AVIL: variants seen among roughly 807,000 people sequenced by gnomAD.
AVIL encodes the protein advillin.
Under a neutral mutation model 109.9 loss-of-function variants are expected in AVIL, and 78 were observed. The ratio of observed to expected loss-of-function variants is 0.71; its 90% confidence interval spans 0.59 to 0.86. The LOEUF (loss-of-function observed/expected upper bound fraction) is 0.86. AVIL is among the 40% of genes least tolerant of loss of function. The pLI, the probability that AVIL is intolerant of heterozygous loss-of-function variation, is 0.00. For synonymous variants in AVIL, 367 were observed against 379.1 expected (o/e 0.97, Z 0.37); for missense variants, 892 against 1,016.5 (o/e 0.88, Z 1.67).
In AVIL at chr12:57,808,388, G is replaced by C; in HGVS notation, c.1093+7C>G. 6.2e-7 allele frequency: 1 copy of C among 1,614,196 alleles called. No individual in the cohort carries two copies. The highest frequency in any genetic ancestry group is 8.5e-7 in the Non-Finnish European group (1 of 1,180,012). ...GCAATGAGAGGATGATCTGGGGGCAGTCTCACCAATTTTACCAATGCTGAA... is the reference window on the plus strand; with the variant it reads ...GCAATGAGAGGATGATCTGGGGGCACTCTCACCAATTTTACCAATGCTGAA... On this transcript the variant is annotated splice_region_variant and intron_variant, in intron 10 of 19. Coordinates refer to ENST00000549994, the MANE Select transcript of AVIL (RefSeq NM_006576.4).
chr12:57,808,071 C>A, intron 11 of AVIL, 123 bp downstream of exon 11: 1 of 1,141,046 alleles, frequency 8.8e-7, no homozygotes, highest in Non-Finnish European at 1.3e-6. Flanking sequence ...AAAGAAGACT[C>A]CTGAGGTGCC....
In AVIL at chr12:57,802,301, A is replaced by G. The variant is rs1397868743; in HGVS notation, c.2010T>C (p.Ser670=). The change falls in exon 17 of 20, where the codon AGT becomes AGC. Residue 670 remains serine, a synonymous_variant. Coordinates refer to ENST00000549994, the MANE Select transcript of AVIL (RefSeq NM_006576.4). ...GAEANATEKE[S]ALATAQQYLH... is the part of the protein sequence containing the mutation. ...GGTACTGCTGTGCTGTGGCAAGGGC[A>G]CTCTCCTTCTCCGTGGCATTGGCCT... 1 of 1,613,484 alleles carries G rather than the reference A, an allele frequency of 6.2e-7. No homozygotes were observed. The highest frequency in any genetic ancestry group is 8.5e-7 in the Non-Finnish European group (1 of 1,179,838).
Position 57,800,241 on chromosome 12 carries a change from G to A in AVIL, c.2221-321C>T, listed in dbSNP as rs1955819555. ...TACCTTCTCTTGGTACTTTTATTTA[G>A]CCCTGCATTTCCAGCCTTTAAATGA... On this transcript the variant is annotated intron_variant, in intron 18 of 19. Transcript: ENST00000549994. 4 of 218,826 alleles carry A rather than the reference G, an allele frequency of 1.8e-5. No individual in the cohort carries two copies. The South Asian group carries it at 3.8e-4, about 21-fold the overall frequency. 13.6% of individuals were successfully genotyped at this position (218,826 alleles called of 1,614,324 possible). A position where few individuals can be genotyped will look rare whatever the true frequency, so the allele number is the denominator to read the frequency against.
At position 57,810,831 on chromosome 12, in the gene AVIL, A is replaced by G; in HGVS notation, c.543T>C (p.Ser181=). The G allele has an allele frequency of 6.2e-7, 1 of 1,614,154 alleles. No homozygotes were observed. The highest frequency in any genetic ancestry group is 1.7e-5 in the Admixed American group (1 of 60,024). Reference sequence around the variant, plus strand: ...GAAGCCATACCTTCAGGCGCTCCCCACTGTTGCTCTCTGGGCCATTCCATT... The same window carrying G: ...GAAGCCATACCTTCAGGCGCTCCCCGCTGTTGCTCTCTGGGCCATTCCATT... ...IIQWNGPESN[S]GERLKAMLLA... The change falls in exon 6 of 20, where the codon AGT becomes AGC. Residue 181 remains serine (S), a synonymous_variant. Transcript: ENST00000549994.
chr12:57,806,239 T>C, intron 14 of AVIL, 121 bp downstream of exon 14: 3 of 1,034,362 alleles, frequency 2.9e-6, no homozygotes, highest in African/African-American at 1.6e-5. Context: ...AGTTTTAGTA[T>C]ATGTGCTGCC....
Position 57,803,371 on chromosome 12 carries a change from T to C in AVIL, c.1838A>G (p.Asp613Gly), listed in dbSNP as rs771979546. 2 of 1,614,158 alleles carry C rather than the reference T, an allele frequency of 1.2e-6. No individual in the cohort carries two copies. Among genetic ancestry groups the C allele is most frequent in the Non-Finnish European group, 1.7e-6 (2 of 1,180,022 alleles). The part of the protein sequence containing the change: ...NDKRLQQEIL[D>G]VQSRLFECSN... The stretch of plus-strand genomic sequence containing the variant: ...ACATTCAAAGAGACGAGACTGGACA[T>C]CTAGGATTTCCTGCTGAAGTCTGCA... The change falls in exon 16 of 20, where the codon GAT becomes GGT. Residue 613 changes from aspartate (D) to glycine (G), a missense_variant. Asp to Gly is a moderately conservative substitution (Grantham distance 94, BLOSUM62 -1). Coordinates refer to ENST00000549994, the MANE Select transcript of AVIL (RefSeq NM_006576.4).
Position 57,807,743 on chromosome 12 carries a change from G to A in AVIL, c.1195-16C>T. On this transcript the variant is annotated splice_polypyrimidine_tract_variant and intron_variant, in intron 11 of 19. Coordinates refer to ENST00000549994, the MANE Select transcript of AVIL (RefSeq NM_006576.4). ...TTCTCCAGACCTGGGCATAGAAGGA[G>A]ACACCGTTTTCCAGAGATGGGGGTG... 2 of 1,613,844 alleles carry A rather than the reference G, an allele frequency of 1.2e-6. No homozygotes were observed. Among genetic ancestry groups the A allele is most frequent in the South Asian group, 2.2e-5 (2 of 91,088 alleles).
At chr12:57,805,536 G>A (rs1198721066) in intron 14 of AVIL, among the ~76,000 whole-genome samples, 1 of 142,436 alleles carries the variant, frequency 7.0e-6, no homozygotes, top group African/African-American at 2.6e-5. Context: ...CTTTCAGTGA[G>A]TTTTTTTTTT....
chr12:57,813,412 C>T lies in AVIL; in HGVS notation c.153G>A (p.Val51=). The part of the protein sequence containing the change: ...DCYVILSTRR[V]ASLLSQDIHF... ...GGATGTCCTGGGATAGGAGACTGGCCACTCTCCGGGTCTGGGAGGTAGTCA... is the reference window on the plus strand; with the variant it reads ...GGATGTCCTGGGATAGGAGACTGGCTACTCTCCGGGTCTGGGAGGTAGTCA... The change falls in exon 4 of 20, where the codon GTG becomes GTA. Residue 51 remains valine (V), a synonymous_variant. Transcript: ENST00000549994. 3.1e-6 allele frequency: 5 copies of T among 1,613,766 alleles called. No individual in the cohort carries two copies. The highest frequency in any genetic ancestry group is 4.2e-6 in the Non-Finnish European group (5 of 1,179,926).
intron 18 of AVIL, chr12:57,800,699 C>G (rs1955827347): frequency 6.5e-6 from 1 of 154,714 alleles, no homozygotes; most frequent in African/African-American, 2.4e-5. Context: ...CTTCCGCTTC[C>G]TGGGTTCAAG....
chr12:57,812,812 G>A (rs970285761), intron 4 of AVIL, among the ~76,000 whole-genome samples: 3 of 152,148 alleles, frequency 2.0e-5, no homozygotes, highest in African/African-American at 7.2e-5. Flanking sequence ...ATACTCCGTG[G>A]TGTGCATGTC....
At chr12:57,806,669 A>G (rs369830395) in intron 13 of AVIL, 130 bp from the exon 14 acceptor site, 3 of 1,013,672 alleles carry the variant, frequency 3.0e-6, no homozygotes, top group South Asian at 1.6e-5. Context: ...ACTCACTGGA[A>G]AGGGTCAGGG....
intron 1 of AVIL, chr12:57,816,315 C>T: frequency 2.5e-6 from 1 of 395,684 alleles, no homozygotes; most frequent in Non-Finnish European, 4.6e-6. Context: ...TGGTAATCGT[C>T]ATGGTTATTT....
At chr12:57,816,252 G>A (rs1475934595) in intron 1 of AVIL, 193 bp from the exon 2 acceptor site, 1 of 533,444 alleles carries the variant, frequency 1.9e-6, no homozygotes, top group African/African-American at 2.0e-5. Context: ...GGCTGGCCTG[G>A]GGATTACCAC....
intron 19 of AVIL, among the ~76,000 whole-genome samples, chr12:57,798,398 G>A (rs111935385): frequency 0.023 from 3,486 of 152,182 alleles, 66 homozygotes; most frequent in Non-Finnish European, 0.032. Context: ...ATGCATGATC[G>A]GGTGGATCTT....
chr12:57,810,351 A>C lies in AVIL; in HGVS notation c.759T>G (p.Tyr253Ter). ...DQKQKSTIML[Y>*]HISDSAGQLA... ...TAAAACCAGGTTGAGCTACTCACTG[A>C]TACAACATGATAGTTGATTTCTGCT... The change falls in exon 7 of 20, where the codon TAT becomes TAG. Residue 253 changes from tyrosine to a stop codon, truncating the protein, a stop_gained and splice_region_variant. Transcript: ENST00000549994. LOFTEE classifies it high-confidence loss of function. The C allele has an allele frequency of 6.2e-7, 1 of 1,614,192 alleles. No homozygotes were observed. Among genetic ancestry groups the C allele is most frequent in the Non-Finnish European group, 8.5e-7 (1 of 1,180,034 alleles).
chr12:57,818,050 GCT>G (rs917358470), intron 1 of AVIL, among the ~76,000 whole-genome samples: 1 of 151,932 alleles, frequency 6.6e-6, no homozygotes, highest in African/African-American at 2.4e-5. Context: ...ACAGGGTCTT[GCT>G]CTGTCACCCA....
intron 18 of AVIL, 25 bp from the exon 19 acceptor site, chr12:57,799,945 C>T: frequency 6.2e-7 from 1 of 1,613,620 alleles, no homozygotes; most frequent in Non-Finnish European, 8.5e-7. Context: ...AATGTAGGCA[C>T]AGGGAAAAGA....
Position 57,797,779 on chromosome 12 carries a change from A to T in AVIL, c.*103T>A. The T allele has an allele frequency of 1.1e-6, 1 of 936,854 alleles. No individual in the cohort carries two copies. Among genetic ancestry groups the T allele is most frequent in the Non-Finnish European group, 1.5e-6 (1 of 666,090 alleles). The allele number at this position is 936,854 out of a possible 1,614,324, so 58.0% of individuals were successfully genotyped here. On this transcript the variant is annotated 3_prime_UTR_variant, in exon 20 of 20. Transcript: ENST00000549994. ...TTGCAGACTCTATTATATCTAAATT[A>T]AGTAGCTGAATGTCAGGCAGAAATT...
Sources: allele counts gnomAD v4.1 joint callset (sites outside exome capture counted in the v4.1 genomes callset), GRCh38; gene constraint gnomAD v4.1.1; transcripts MANE v1.5; gene names NCBI Gene and HGNC (gene_info 2026-07-23, HGNC 2026-07-21).